VIRMA: variants seen among roughly 807,000 people sequenced by gnomAD.
VIRMA encodes protein virilizer homolog.
Under a neutral mutation model 182.4 loss-of-function variants are expected in VIRMA, and 65 were observed. The observed-to-expected ratio is 0.36, with a 90% CI of 0.29 to 0.44. The LOEUF (loss-of-function observed/expected upper bound fraction) is 0.44, where lower values mean the gene tolerates loss of function less well. Ranked by LOEUF, VIRMA falls within the 20% of genes least tolerant of loss-of-function variation. The pLI is 1.00. For missense variants in VIRMA, 1,752 were observed against 2,158.1 expected (o/e 0.81, Z 3.73); for synonymous variants, 709 against 743.1 (o/e 0.95, Z 0.75).
intron 7 of VIRMA, 110 bp downstream of exon 7, chr8:94,528,960 G>A: frequency 7.2e-7 from 1 of 1,389,678 alleles, no homozygotes; most frequent in Non-Finnish European, 9.8e-7. Flanking sequence ...TCTGACCCTG[G>A]GTTTCTTGGA....
At chr8:94,523,524 C>T (rs1329052775) in intron 8 of VIRMA, among the ~76,000 whole-genome samples, 2 of 152,202 alleles carry the variant, frequency 1.3e-5, no homozygotes, top group African/African-American at 2.4e-5. Context: ...ATCCTCCCAC[C>T]TCAGCCTCCT....
chr8:94,524,409 A>G (rs1385294490), intron 8 of VIRMA, among the ~76,000 whole-genome samples: 1 of 151,820 alleles, frequency 6.6e-6, no homozygotes, highest in Non-Finnish European at 1.5e-5. Flanking sequence ...GGTTCAAATG[A>G]TTCTCCTGCC....
chr8:94,512,311 T>C (rs2130310258), intron 11 of VIRMA: 1 of 230,868 alleles, frequency 4.3e-6, no homozygotes, highest in South Asian at 1.8e-4. Flanking sequence ...TACAATATTA[T>C]GTAAATAAAA....
chr8:94,501,042 G>C (rs1036179347), intron 16 of VIRMA, among the ~76,000 whole-genome samples: 4 of 151,706 alleles, frequency 2.6e-5, no homozygotes, highest in African/African-American at 9.7e-5. Flanking sequence ...TCAGGAGTTC[G>C]AGACCAGCCT....
At chr8:94,534,756 TAA>T in intron 5 of VIRMA, 81 bp downstream of exon 5, 1 of 1,520,598 alleles carries the variant, frequency 6.6e-7, no homozygotes, top group East Asian at 2.3e-5. Flanking sequence ...AAACAAAAGG[TAA>T]AAGAGTGCTC....
At chr8:94,507,969 G>A (rs1175914752) in intron 15 of VIRMA, among the ~76,000 whole-genome samples, 10 of 141,350 alleles carry the variant, frequency 7.1e-5, no homozygotes, top group African/African-American at 3.0e-4. Flanking sequence ...ATACATATGT[G>A]TATATATGTA....
chr8:94,495,955 CTCTT>C, intron 18 of VIRMA, 64 bp from the exon 19 acceptor site: 1 of 1,429,832 alleles, frequency 7.0e-7, no homozygotes, highest in Non-Finnish European at 9.5e-7. Flanking sequence ...AACCTACTGA[CTCTT>C]TCGTAGAAAA....
In VIRMA at chr8:94,488,343, TC is replaced by T. The variant is rs989599636; in HGVS notation, c.*362del. On this transcript the variant is annotated 3_prime_UTR_variant, in exon 24 of 24. Coordinates refer to ENST00000297591, the MANE Select transcript of VIRMA (RefSeq NM_015496.5). Reference sequence around the variant, plus strand: ...TTAATAAACACAAGTATTAGATATTTCTTTTGGACCAGGTATGCTGTGAAAA... The same window carrying T: ...TTAATAAACACAAGTATTAGATATTTTTTTGGACCAGGTATGCTGTGAAAA... The T allele has an allele frequency of 5.9e-6, 1 of 170,120 alleles. No homozygotes were observed. The allele number at this position is 170,120 out of a possible 1,614,324, so 10.5% of individuals were successfully genotyped here.
At chr8:94,551,978 C>G (rs1257638080) in intron 1 of VIRMA, among the ~76,000 whole-genome samples, 1 of 152,208 alleles carries the variant, frequency 6.6e-6, no homozygotes, top group Non-Finnish European at 1.5e-5. Flanking sequence ...GCTTCCGCCT[C>G]CCAAAACGTT....
At chr8:94,534,805 G>A in intron 5 of VIRMA, 34 bp downstream of exon 5, 1 of 1,584,210 alleles carries the variant, frequency 6.3e-7, no homozygotes. Context: ...ACGGATATAA[G>A]TTTCACTTGC....
chr8:94,537,619 G>A (rs1036471765), intron 3 of VIRMA, among the ~76,000 whole-genome samples: 1 of 151,978 alleles, frequency 6.6e-6, no homozygotes, highest in African/African-American at 2.4e-5. Flanking sequence ...AAATAAGAGA[G>A]GGGTCAATAA....
intron 2 of VIRMA, among the ~76,000 whole-genome samples, chr8:94,541,943 A>T (rs1488110454): frequency 6.6e-6 from 1 of 152,256 alleles, no homozygotes; most frequent in East Asian, 1.9e-4. Context: ...GTTTAGAGTT[A>T]TTACAACATG....
In VIRMA at chr8:94,541,128, C is replaced by CT. The variant is rs34039726; in HGVS notation, c.179+2698dup. Among the ~76,000 whole-genome samples, 501 of 145,492 alleles carry CT rather than the reference C, an allele frequency of 3.4e-3. 4 individuals carry two copies. Among genetic ancestry groups the CT allele is most frequent in the East Asian group, 0.014 (73 of 5,038 alleles). On this transcript the variant is annotated intron_variant, in intron 2 of 23. Coordinates refer to ENST00000297591, the MANE Select transcript of VIRMA (RefSeq NM_015496.5). ...GGAATTATAATTATTATTGTTATTA[C>CT]TTTTTTTTTTTTTGAAACAGTCTTG...
chr8:94,497,400 A>C (rs1437500485), intron 17 of VIRMA: 2 of 151,408 alleles, frequency 1.3e-5, no homozygotes, highest in African/African-American at 4.9e-5. Flanking sequence ...ACCTTGCCTA[A>C]CCTGTTTTTC....
At chr8:94,513,315 C>T (rs111313690) in intron 11 of VIRMA, among the ~76,000 whole-genome samples, 6,112 of 151,208 alleles carry the variant, frequency 0.04, 132 homozygotes, top group Non-Finnish European at 0.05. Context: ...CCAGCCTGGG[C>T]GACAGAGCAA....
At chr8:94,510,039 T>C in intron 14 of VIRMA, 99 bp from the exon 15 acceptor site, 1 of 1,124,024 alleles carries the variant, frequency 8.9e-7, no homozygotes, top group East Asian at 2.5e-5. Flanking sequence ...TACACAAATT[T>C]TGCATAAAAC....
At chr8:94,538,695 C>A (rs1815429103) in intron 2 of VIRMA, among the ~76,000 whole-genome samples, 2 of 152,094 alleles carry the variant, frequency 1.3e-5, no homozygotes. Context: ...TCACTGCAAC[C>A]TCTACTCTTG....
Position 94,543,401 on chromosome 8 carries a change from CAAAAAAA to C in VIRMA, c.179+419_179+425del, listed in dbSNP as rs1162030319. Among the ~76,000 whole-genome samples, 375 of 43,210 alleles carry C rather than the reference CAAAAAAA, an allele frequency of 8.7e-3. 2 individuals carry two copies. Among genetic ancestry groups the C allele is most frequent in the African/African-American group, 0.024 (354 of 14,928 alleles). 28.3% of individuals were successfully genotyped at this position (43,210 alleles called of 152,430 possible). A position where few individuals can be genotyped will look rare whatever the true frequency, so the allele number is the denominator to read the frequency against. On this transcript the variant is annotated intron_variant, in intron 2 of 23. Coordinates refer to ENST00000297591, the MANE Select transcript of VIRMA (RefSeq NM_015496.5). The stretch of plus-strand genomic sequence containing the variant: ...GGACAACAGGAGCAAAACTCCATCT[CAAAAAAA>C]AAAAAAAAAAAAAAAAGGAGTAATA...
At chr8:94,496,243 T>TA (rs1813769556) in intron 18 of VIRMA, 85 bp downstream of exon 18, 1 of 1,168,670 alleles carries the variant, frequency 8.6e-7, no homozygotes, top group African/African-American at 1.5e-5. Context: ...TTCACTATTT[T>TA]AAAAAAGGTC....
Sources: gnomAD v4.1 joint callset for allele counts (sites outside exome capture counted in the v4.1 genomes callset) on GRCh38, gnomAD v4.1.1 for gene constraint, MANE v1.5 for transcripts, NCBI Gene and HGNC (gene_info 2026-07-23, HGNC 2026-07-21) for gene names.